FOXN3: variants seen among roughly 807,000 people sequenced by gnomAD.
FOXN3 encodes the protein forkhead box protein N3.
In FOXN3, 7 loss-of-function variants were observed where a neutral mutation model predicts 38.4. That is an observed-to-expected ratio of 0.18 (90% confidence interval 0.10 to 0.34). The LOEUF (loss-of-function observed/expected upper bound fraction) is 0.34, where lower values mean the gene tolerates loss of function less well. Ranked by LOEUF, FOXN3 falls within the 10% of genes least tolerant of loss-of-function variation. The pLI, the probability that FOXN3 is intolerant of heterozygous loss-of-function variation, is 1.00. For synonymous variants in FOXN3, 230 were observed against 242.2 expected, an observed-to-expected ratio of 0.95 and a Z score of 0.47; for missense variants, 456 against 613.4, an observed-to-expected ratio of 0.74 and a Z score of 2.71.
chr14:89,471,128 G>A (rs951349550), intron 1 of FOXN3, among the ~76,000 whole-genome samples: 10 of 152,232 alleles, frequency 6.6e-5, no homozygotes, highest in Admixed American at 2.6e-4. Flanking sequence ...AGGTTGCCAT[G>A]CAATGCATAG....
At chr14:89,423,810 G>C (rs972580443) in intron 1 of FOXN3, among the ~76,000 whole-genome samples, 1 of 152,140 alleles carries the variant, frequency 6.6e-6, no homozygotes, top group African/African-American at 2.4e-5. Flanking sequence ...GAGGACAGTC[G>C]CAAAACAAAT....
At position 89,412,455 on chromosome 14, in the gene FOXN3, T is replaced by C. The variant is rs758950909; in HGVS notation, c.22A>G (p.Ser8Gly). 4.4e-6 allele frequency: 7 copies of C among 1,608,812 alleles called. No individual in the cohort carries two copies. The highest frequency in any genetic ancestry group is 6.0e-6 in the Non-Finnish European group (7 of 1,176,126). Residue 8 changes from serine to glycine, a missense_variant, in exon 2 of 6, where the codon AGT becomes GGT. By Grantham distance (56) the Ser-to-Gly change is moderately conservative (BLOSUM62 0). Around this residue, in one of 3 missense-constraint regions of FOXN3, gnomAD observed 59 missense variants for 69.0 expected, o/e 0.85. Transcript: ENST00000557258. The surrounding 1 kb of genome is among the most constrained non-coding windows in gnomAD (Gnocchi z 4.7). ...ATTCCTGAGCTTTCTGGCTTCTTAC[T>C]GGGAGGCATGACTGGACCCATTTAC... Reference protein sequence around the residue: MGPVMPPSKKPESSGISV... With the variant: MGPVMPPGKKPESSGISV...
intron 1 of FOXN3, among the ~76,000 whole-genome samples, chr14:89,565,194 C>G (rs2139885564): frequency 6.6e-6 from 1 of 151,752 alleles, no homozygotes; most frequent in Admixed American, 6.6e-5. Flanking sequence ...GTTATGCTAC[C>G]CCAGGCCAAG....
chr14:89,342,655 C>T (rs146013501), intron 3 of FOXN3, among the ~76,000 whole-genome samples: 1 of 152,166 alleles, frequency 6.6e-6, no homozygotes, highest in East Asian at 1.9e-4. Context: ...AGTGCTACCA[C>T]TTTGAAAGCC....
chr14:89,599,153 A>G (rs1429965857), intron 1 of FOXN3, among the ~76,000 whole-genome samples: 3 of 152,162 alleles, frequency 2.0e-5, no homozygotes, highest in Non-Finnish European at 2.9e-5. Flanking sequence ...CTTCTGGTTC[A>G]CTAACTCTCT....
chr14:89,594,307 T>C (rs1004183395), intron 1 of FOXN3, among the ~76,000 whole-genome samples: 2 of 152,260 alleles, frequency 1.3e-5, no homozygotes, highest in Admixed American at 6.5e-5. Flanking sequence ...AAAGTGGTTG[T>C]ACCAATTTAC....
intron 4 of FOXN3, among the ~76,000 whole-genome samples, chr14:89,219,176 T>TG (rs141248956): frequency 1.4e-3 from 208 of 152,260 alleles, no homozygotes; most frequent in African/African-American, 4.9e-3. Context: ...GGGAGGTGAC[T>TG]GGATCATGGG....
At chr14:89,472,550 C>A (rs759933902) in intron 1 of FOXN3, among the ~76,000 whole-genome samples, 2 of 151,910 alleles carry the variant, frequency 1.3e-5, no homozygotes, top group Non-Finnish European at 2.9e-5. Flanking sequence ...GAAACCCCAT[C>A]TCTACTAAAA....
chr14:89,439,527 A>G (rs1231890532), intron 1 of FOXN3, among the ~76,000 whole-genome samples: 1 of 152,182 alleles, frequency 6.6e-6, no homozygotes, highest in Non-Finnish European at 1.5e-5. Flanking sequence ...AAGTTACCCT[A>G]TATGGTCTAA....
At position 89,269,490 on chromosome 14, in the gene FOXN3, T is replaced by G. The variant is rs367713109; in HGVS notation, c.745+11460A>C. Among the ~76,000 whole-genome samples, 708 of 151,470 alleles carry G rather than the reference T, an allele frequency of 4.7e-3. 5 individuals are homozygous for G. Among genetic ancestry groups the G allele is most frequent in the African/African-American group, 0.014 (580 of 41,242 alleles). On this transcript the variant is annotated intron_variant, in intron 4 of 5. Transcript: ENST00000557258. ...CTTGCTTTTTGTTTTGTTTTGTTTT[T>G]TTTTTTCCTTTTTCCATGAAGCTGA... is the stretch of plus-strand genomic sequence containing the variant.
chr14:89,248,543 T>C (rs1885361977), intron 4 of FOXN3, among the ~76,000 whole-genome samples: 2 of 152,308 alleles, frequency 1.3e-5, no homozygotes, highest in East Asian at 3.9e-4. Context: ...TTTACAGAAA[T>C]GATGCCCTGG....
intron 2 of FOXN3, among the ~76,000 whole-genome samples, chr14:89,383,327 G>A (rs2140069230): frequency 6.6e-6 from 1 of 152,340 alleles, no homozygotes; most frequent in African/African-American, 2.4e-5. Context: ...CAGACATGAA[G>A]AGGGACACAC....
chr14:89,500,453 A>G (rs1370142928), intron 1 of FOXN3, among the ~76,000 whole-genome samples: 1 of 152,208 alleles, frequency 6.6e-6, no homozygotes, highest in East Asian at 1.9e-4. Flanking sequence ...GACTGATGAC[A>G]TCAGCCTTAT....
rs1184430651 is a variant in FOXN3 at position 89,564,644 on chromosome 14, A to C, written c.-15+54384T>G. Among the ~76,000 whole-genome samples the C allele has an allele frequency of 2.6e-5, 4 of 152,206 alleles. No homozygotes were observed. In the East Asian group the frequency reaches 7.7e-4, roughly 29 times the overall value. On this transcript the variant is annotated intron_variant, in intron 1 of 6. Transcript: ENST00000345097. ...CCTTACCCGACCTCACCTGGTATGCACTGAATTGTATTCCCCTAAAAAGAT... is the reference window on the plus strand; with the variant it reads ...CCTTACCCGACCTCACCTGGTATGCCCTGAATTGTATTCCCCTAAAAAGAT...
chr14:89,517,864 G>A (rs1022811451), intron 1 of FOXN3, among the ~76,000 whole-genome samples: 2 of 152,188 alleles, frequency 1.3e-5, no homozygotes, highest in Admixed American at 6.6e-5. Flanking sequence ...AAGACAGCCC[G>A]TGTGTATTGG....
At chr14:89,509,768 T>C (rs1894018747) in intron 1 of FOXN3, among the ~76,000 whole-genome samples, 1 of 152,272 alleles carries the variant, frequency 6.6e-6, no homozygotes, top group African/African-American at 2.4e-5. Context: ...GTTTAACTTT[T>C]AATGAAAACT....
At chr14:89,215,117 G>T (rs368264293) in intron 4 of FOXN3, among the ~76,000 whole-genome samples, 44 of 152,096 alleles carry the variant, frequency 2.9e-4, no homozygotes, top group African/African-American at 9.2e-4. Context: ...AATGGGCAGG[G>T]TCTTCTGTCT....
chr14:89,230,827 T>C (rs1339146212), intron 4 of FOXN3: 1 of 455,772 alleles, frequency 2.2e-6, no homozygotes, highest in South Asian at 1.5e-5. Flanking sequence ...CCTTACAGTG[T>C]TCAGCCTTGT....
intron 3 of FOXN3, chr14:89,349,590 C>A (rs1442512727): frequency 6.5e-6 from 1 of 152,672 alleles, no homozygotes; most frequent in Admixed American, 6.5e-5. Flanking sequence ...GGTACCATCA[C>A]GCTAATCGCC....
Sources: gnomAD v4.1 joint callset for allele counts (sites outside exome capture counted in the v4.1 genomes callset) on GRCh38, gnomAD v4.1.1 for gene constraint, gnomAD v4.1.1 regional missense constraint, Gnocchi (gnomAD v3.1) non-coding constraint, MANE v1.5 for transcripts, NCBI Gene and HGNC (gene_info 2026-07-23, HGNC 2026-07-21) for gene names.